FANCC: variants seen among roughly 807,000 people sequenced by gnomAD.
The protein encoded by FANCC is Fanconi anemia group C protein.
A neutral mutation model predicts 71.3 loss-of-function variants in FANCC; 55 were observed. That is an observed-to-expected ratio of 0.77 (90% CI 0.62 to 0.97). The LOEUF (loss-of-function observed/expected upper bound fraction) is 0.97, where lower values mean the gene tolerates loss of function less well. FANCC is among the 50% of genes least tolerant of loss of function. The pLI, the probability that FANCC is intolerant of heterozygous loss-of-function variation, is 0.00. For synonymous variants in FANCC, 275 were observed against 244.9 expected (o/e 1.12, Z -1.15); for missense variants, 678 against 670.9 (o/e 1.01, Z -0.12).
At chr9:95,195,831 T>C (rs947259411) in intron 4 of FANCC, among the ~76,000 whole-genome samples, 6 of 152,246 alleles carry the variant, frequency 3.9e-5, no homozygotes, top group African/African-American at 1.4e-4. Context: ...CATTTTGTTA[T>C]GTATATACCT....
At chr9:95,175,588 A>G (rs1825963548) in intron 4 of FANCC, among the ~76,000 whole-genome samples, 1 of 152,182 alleles carries the variant, frequency 6.6e-6, no homozygotes. Flanking sequence ...TCTGGGAGAG[A>G]GAGGGAGCAG....
chr9:95,120,228 T>A (rs1469903899), intron 10 of FANCC, among the ~76,000 whole-genome samples: 1 of 152,210 alleles, frequency 6.6e-6, no homozygotes, highest in East Asian at 1.9e-4. Context: ...TTTTTCTACA[T>A]ATGGACATCC....
At position 95,107,152 on chromosome 9, in the gene FANCC, C is replaced by A; in HGVS notation, c.1447G>T (p.Ala483Ser). 1 of 1,614,222 alleles carries A rather than the reference C, an allele frequency of 6.2e-7. No homozygotes were observed. Among genetic ancestry groups the A allele is most frequent in the Non-Finnish European group, 8.5e-7 (1 of 1,180,048 alleles). ...QGTDTDLRAPAQQLIRHLLLN... is the reference protein window; with the variant it reads ...QGTDTDLRAPSQQLIRHLLLN... ...AGAAGGTGCCTGATCAGCTGTTGTG[C>A]AGGAGCTCTGAGGTCTGTGTCTGTG... Residue 483 changes from alanine to serine, a missense_variant, in exon 14 of 15, where the codon GCA (alanine) becomes TCA (serine). Transcript: ENST00000289081.
chr9:95,149,870 CTT>C, intron 7 of FANCC, 51 bp downstream of exon 7: 4 of 1,549,884 alleles, frequency 2.6e-6, no homozygotes, highest in Non-Finnish European at 2.6e-6. Flanking sequence ...ACACCACAGC[CTT>C]CTAAGAAAAG....
chr9:95,107,343 G>T (rs959159855), intron 13 of FANCC, 74 bp from the exon 14 acceptor site: 2 of 1,502,120 alleles, frequency 1.3e-6, no homozygotes, highest in Middle Eastern at 2.3e-4. Flanking sequence ...TTATTTATTT[G>T]CTTTGAAACA....
intron 7 of FANCC, among the ~76,000 whole-genome samples, chr9:95,142,016 G>C (rs34288772): frequency 1.1e-5 from 1 of 88,394 alleles, no homozygotes; most frequent in South Asian, 4.2e-4. Flanking sequence ...TTTTGAGGCA[G>C]AGTTTTGCTC....
intron 4 of FANCC, among the ~76,000 whole-genome samples, chr9:95,194,502 C>G (rs915491532): frequency 1.3e-5 from 2 of 152,154 alleles, no homozygotes; most frequent in Non-Finnish European, 2.9e-5. Flanking sequence ...ACATCTTCAC[C>G]AGCATTTTAA....
chr9:95,284,231 C>T (rs1833539028), intron 1 of FANCC, among the ~76,000 whole-genome samples: 1 of 152,202 alleles, frequency 6.6e-6, no homozygotes, highest in African/African-American at 2.4e-5. Context: ...CCTGAACGGG[C>T]TGTGCATCAC....
At chr9:95,161,005 T>C (rs1451592394) in intron 6 of FANCC, among the ~76,000 whole-genome samples, 1 of 152,166 alleles carries the variant, frequency 6.6e-6, no homozygotes, top group African/African-American at 2.4e-5. Flanking sequence ...TATAATACTG[T>C]AAAATGGGGG....
intron 7 of FANCC, among the ~76,000 whole-genome samples, chr9:95,135,832 T>A (rs1199120513): frequency 6.6e-6 from 1 of 152,208 alleles, no homozygotes; most frequent in Non-Finnish European, 1.5e-5. Context: ...GCCCAGTCCC[T>A]AACTGAAGAA....
chr9:95,134,112 C>T (rs1306849991), intron 8 of FANCC, among the ~76,000 whole-genome samples: 4 of 152,134 alleles, frequency 2.6e-5, no homozygotes, highest in Non-Finnish European at 4.4e-5. Context: ...GTGAGAGCAG[C>T]GTGGCTGTCA....
intron 4 of FANCC, among the ~76,000 whole-genome samples, chr9:95,209,931 C>T (rs2135865751): frequency 6.6e-6 from 1 of 152,192 alleles, no homozygotes; most frequent in South Asian, 2.1e-4. Flanking sequence ...CACATGTATA[C>T]CAGGAAATAT....
intron 1 of FANCC, among the ~76,000 whole-genome samples, chr9:95,277,166 G>C (rs1418491538): frequency 6.6e-6 from 1 of 152,080 alleles, no homozygotes; most frequent in African/African-American, 2.4e-5. Flanking sequence ...TCTGATGTTA[G>C]TTCTGTTTAG....
At chr9:95,253,360 AC>A (rs575810729) in intron 1 of FANCC, among the ~76,000 whole-genome samples, 88 of 152,130 alleles carry the variant, frequency 5.8e-4, no homozygotes, top group Non-Finnish European at 8.5e-4. Context: ...GACAGGTAGA[AC>A]TCAGTCATTC....
chr9:95,267,628 T>C (rs1400946728), intron 1 of FANCC, among the ~76,000 whole-genome samples: 1 of 152,094 alleles, frequency 6.6e-6, no homozygotes, highest in African/African-American at 2.4e-5. Context: ...AGTTAATCAG[T>C]CCAACAAATA....
At chr9:95,116,731 C>T (rs1372267700) in intron 11 of FANCC, among the ~76,000 whole-genome samples, 1 of 152,220 alleles carries the variant, frequency 6.6e-6, no homozygotes, top group East Asian at 1.9e-4. Flanking sequence ...CCTGGATCAA[C>T]ACCAGTCGAA....
At chr9:95,114,200 G>T in intron 12 of FANCC, 1 of 282,416 alleles carries the variant, frequency 3.5e-6, no homozygotes, top group Non-Finnish European at 7.0e-6. Flanking sequence ...CCACCCTACT[G>T]TGTAGGAGTT....
At position 95,304,749 on chromosome 9, in the gene FANCC, C is replaced by CAA. The variant is rs35105777; in HGVS notation, c.-79+12775_-79+12776dup. Among the ~76,000 whole-genome samples the CAA allele has an allele frequency of 9.4e-3, 416 of 44,422 alleles. 7 individuals carry two copies. The highest frequency in any genetic ancestry group is 0.014 in the Non-Finnish European group (310 of 22,890). 29.1% of individuals were successfully genotyped at this position (44,422 alleles called of 152,430 possible). On this transcript the variant is annotated intron_variant, in intron 1 of 14. Coordinates refer to ENST00000289081, the MANE Select transcript of FANCC (RefSeq NM_000136.3). The stretch of plus-strand genomic sequence containing the variant: ...TGGGCAACAGAGCAAGACTCTATCT[C>CAA]AAAAAAAAAAAAAAAAAAAAAAAAA...
chr9:95,201,583 C>T (rs938534223), intron 4 of FANCC, among the ~76,000 whole-genome samples: 5 of 151,848 alleles, frequency 3.3e-5, no homozygotes, highest in Admixed American at 6.6e-5. Flanking sequence ...AACAAAATTG[C>T]GATTTCCTTT....
Sources: allele counts gnomAD v4.1 joint callset (sites outside exome capture counted in the v4.1 genomes callset), GRCh38; gene constraint gnomAD v4.1.1; transcripts MANE v1.5; gene names NCBI Gene and HGNC (gene_info 2026-07-23, HGNC 2026-07-21).